Variants in RP1 observed in about 807,000 individuals in gnomAD.
RP1 encodes the protein RP1 axonemal microtubule associated.
RP1 carries 16 observed loss-of-function variants against 14.8 expected under a neutral mutation model. The ratio of observed to expected loss-of-function variants is 1.08; its 90% confidence interval spans 0.73 to 1.65. The LOEUF is 1.65. RP1 is among the 40% of genes most tolerant of loss of function. The pLI is 0.00. For synonymous variants in RP1, 876 were observed against 883.6 expected, an observed-to-expected ratio of 0.99 and a Z score of 0.15; for missense variants, 2,631 against 2,535.0, an observed-to-expected ratio of 1.04 and a Z score of -0.81.
chr8:54,644,480 C>A (rs1806507627), intron 3 of RP1, among the ~76,000 whole-genome samples: 1 of 152,200 alleles, frequency 6.6e-6, no homozygotes, highest in African/African-American at 2.4e-5. Flanking sequence ...CCATTAGACA[C>A]AAGGACACAA....
At chr8:54,631,845 A>G (rs1202891669), downstream of RP1, among the ~76,000 whole-genome samples, 1 of 146,064 alleles carries the variant, frequency 6.8e-6, no homozygotes, top group East Asian at 2.0e-4. Flanking sequence ...AAGGGATAAG[A>G]TTTTTTTTTT....
At chr8:54,561,003 G>A (rs1804274069) in intron 1 of RP1, 1 of 151,466 alleles carries the variant, frequency 6.6e-6, no homozygotes, top group South Asian at 2.1e-4. Context: ...TGTGACACAG[G>A]ATCTGGATGC....
chr8:54,836,375 C>T (rs1391459), intron 24 of RP1, among the ~76,000 whole-genome samples: 46,021 of 151,794 alleles, frequency 0.3, 7,138 homozygotes, highest in South Asian at 0.37. Flanking sequence ...AAATAGATTT[C>T]GCAGAACGTA....
intron 1 of RP1, among the ~76,000 whole-genome samples, chr8:54,584,612 C>T (rs1029443085): frequency 6.6e-6 from 1 of 152,138 alleles, no homozygotes; most frequent in South Asian, 2.1e-4. Context: ...GTTAAAGTCT[C>T]CCGTTATTAT....
Position 54,625,499 on chromosome 8 carries a change from G to A in RP1, c.1617G>A (p.Leu539=). ...TAGAAAGAAAAAAGGAAAACAGTCT[G>A]CTTAAGTCAAGTGCAATAAGTGCTG... ...SSLERKKENS[L]LKSSAISAGV... is the part of the protein sequence containing the mutation. Residue 539 remains leucine, a synonymous_variant, in exon 4 of 4, where the codon CTG becomes CTA. Coordinates refer to ENST00000220676, the MANE Select transcript of RP1 (RefSeq NM_006269.2). The A allele has an allele frequency of 6.2e-7, 1 of 1,613,956 alleles. No homozygotes were observed.
intron 24 of RP1, among the ~76,000 whole-genome samples, chr8:54,823,605 C>T (rs1363585329): frequency 2.0e-5 from 3 of 151,862 alleles, no homozygotes; most frequent in Non-Finnish European, 4.4e-5. Flanking sequence ...ACTGGGATTA[C>T]AGACATGAGC....
intron 23 of RP1, among the ~76,000 whole-genome samples, chr8:54,781,969 G>C (rs1047998117): frequency 6.6e-6 from 1 of 152,034 alleles, no homozygotes; most frequent in Non-Finnish European, 1.5e-5. Context: ...ACTTATTCCC[G>C]TCCCTCCCCC....
intron 23 of RP1, among the ~76,000 whole-genome samples, chr8:54,777,176 T>G (rs1414492176): frequency 6.6e-6 from 1 of 152,190 alleles, no homozygotes; most frequent in Admixed American, 6.5e-5. Context: ...GCCTAATATA[T>G]CTTATGTATC....
intron 12 of RP1, among the ~76,000 whole-genome samples, chr8:54,698,369 T>C (rs967967031): frequency 1.3e-5 from 2 of 152,134 alleles, no homozygotes; most frequent in African/African-American, 2.4e-5. Flanking sequence ...ATGACGATCA[T>C]TAAAATGTCA....
chr8:54,650,463 A>C (rs1806634008), intron 4 of RP1, among the ~76,000 whole-genome samples: 1 of 152,184 alleles, frequency 6.6e-6, no homozygotes, highest in Non-Finnish European at 1.5e-5. Context: ...ACCATTAAAA[A>C]ATTTTTAAAT....
rs530526262 is a variant in RP1 at position 54,801,382 on chromosome 8, T to A, written c.3615+17672T>A. Among the ~76,000 whole-genome samples, 7 of 152,316 alleles carry A rather than the reference T, an allele frequency of 4.6e-5. No individual in the cohort carries two copies. In the East Asian group the frequency reaches 9.6e-4, roughly 21 times the overall value. Reference sequence around the variant, plus strand: ...CCTTCACAAGTATTCCCGCTTCTCCTCCAGGCGTAGTGGGCCTAGGATGTG... The same window carrying A: ...CCTTCACAAGTATTCCCGCTTCTCCACCAGGCGTAGTGGGCCTAGGATGTG... On this transcript the variant is annotated intron_variant, in intron 24 of 28. Transcript: ENST00000637698.
intron 12 of RP1, among the ~76,000 whole-genome samples, chr8:54,692,321 G>T (rs1368295021): frequency 7.0e-6 from 1 of 142,222 alleles, no homozygotes; most frequent in Non-Finnish European, 1.5e-5. Context: ...TAGTCCTTTG[G>T]GTATATACCC....
chr8:54,617,600 A>G (rs1244883084), intron 1 of RP1, among the ~76,000 whole-genome samples: 1 of 152,106 alleles, frequency 6.6e-6, no homozygotes, highest in Non-Finnish European at 1.5e-5. Flanking sequence ...GGGCATCTCT[A>G]CCACTTTTTG....
intron 4 of RP1, among the ~76,000 whole-genome samples, chr8:54,650,548 C>A (rs1042934224): frequency 1.3e-5 from 2 of 152,028 alleles, no homozygotes; most frequent in Non-Finnish European, 2.9e-5. Flanking sequence ...ACATTTTATT[C>A]ACTCCAAAAG....
intron 24 of RP1, among the ~76,000 whole-genome samples, chr8:54,821,053 T>A (rs886924543): frequency 2.6e-5 from 4 of 152,024 alleles, no homozygotes; most frequent in Non-Finnish European, 4.4e-5. Context: ...AGAATAGCAC[T>A]GCCAAAGGTG....
At chr8:54,574,171 C>A (rs1477933206) in intron 1 of RP1, among the ~76,000 whole-genome samples, 1 of 152,140 alleles carries the variant, frequency 6.6e-6, no homozygotes, top group Non-Finnish European at 1.5e-5. Flanking sequence ...CACTACAGGG[C>A]ACACAGAGAT....
At chr8:54,675,804 A>C (rs1301508623) in intron 8 of RP1, among the ~76,000 whole-genome samples, 1 of 152,166 alleles carries the variant, frequency 6.6e-6, no homozygotes, top group Non-Finnish European at 1.5e-5. Flanking sequence ...ACCAGAGTAA[A>C]ATAATAGAAG....
chr8:54,664,595 G>GATCCCTTT (rs1806973739), intron 7 of RP1, among the ~76,000 whole-genome samples: 1 of 152,082 alleles, frequency 6.6e-6, no homozygotes, highest in African/African-American at 2.4e-5. Flanking sequence ...TGGCTATGAA[G>GATCCCTTT]GGATATCTCA....
intron 24 of RP1, among the ~76,000 whole-genome samples, chr8:54,828,443 C>G (rs1167892016): frequency 2.0e-5 from 3 of 152,096 alleles, no homozygotes. Flanking sequence ...GACCTTGACA[C>G]CTTCCCCCTC....
Sources: gnomAD v4.1 joint callset for allele counts (sites outside exome capture counted in the v4.1 genomes callset) on GRCh38, gnomAD v4.1.1 for gene constraint, MANE v1.5 for transcripts, NCBI Gene and HGNC (gene_info 2026-07-23, HGNC 2026-07-21) for gene names.